Variants in DNAH6 observed in about 807,000 individuals in gnomAD.
DNAH6 encodes the protein dynein axonemal heavy chain 6.
In DNAH6, 340 loss-of-function variants were observed where a neutral mutation model predicts 491.4. That is an observed-to-expected ratio of 0.69 (90% confidence interval 0.63 to 0.76). The LOEUF is 0.76. DNAH6 is among the 30% of genes least tolerant of loss of function. The pLI is 0.00. For synonymous variants in DNAH6, 1,603 were observed against 1,686.1 expected (o/e 0.95, Z 1.21); for missense variants, 4,443 against 4,972.2 (o/e 0.89, Z 3.20).
At position 84,573,425 on chromosome 2, in the gene DNAH6, C is replaced by T. The variant is rs766464451; in HGVS notation, c.1804-42C>T. 6 of 1,525,460 alleles carry T rather than the reference C, an allele frequency of 3.9e-6. No homozygotes were observed. In the African/African-American group the frequency reaches 5.7e-5, roughly 15 times the overall value. The allele number at this position is 1,525,460 out of a possible 1,614,324, so 94.5% of individuals were successfully genotyped here. A position where few individuals can be genotyped will look rare whatever the true frequency, so the allele number is the denominator to read the frequency against. On this transcript the variant is annotated intron_variant, in intron 11 of 76. Transcript: ENST00000389394. ...TTGTATTGAATTAAATTCTGCTTAA[C>T]AAAAATATGGTCATATTTGTCTGCT...
At chr2:84,540,637 G>A (rs1002689270) in intron 4 of DNAH6, among the ~76,000 whole-genome samples, 1 of 152,040 alleles carries the variant, frequency 6.6e-6, no homozygotes, top group African/African-American at 2.4e-5. Context: ...AATAATAATA[G>A]GACAATGATT....
intron 62 of DNAH6, among the ~76,000 whole-genome samples, chr2:84,734,159 T>G (rs1699343091): frequency 6.6e-6 from 1 of 150,772 alleles, no homozygotes; most frequent in Non-Finnish European, 1.5e-5. Context: ...TTTTTTTTTT[T>G]TTTTTTGAGA....
intron 19 of DNAH6, among the ~76,000 whole-genome samples, chr2:84,605,219 GGCAAGT>G (rs1363958526): frequency 6.6e-6 from 1 of 151,924 alleles, no homozygotes; most frequent in Non-Finnish European, 1.5e-5. Flanking sequence ...CAGGCGTGGT[GGCAAGT>G]GCCTGTAGTC....
At chr2:84,735,143 A>T (rs575754237) in intron 62 of DNAH6, among the ~76,000 whole-genome samples, 1 of 152,314 alleles carries the variant, frequency 6.6e-6, no homozygotes, top group South Asian at 2.1e-4. Flanking sequence ...AAGTGAGACC[A>T]TACAGTATTT....
At chr2:84,682,009 AT>A (rs1267286468) in intron 42 of DNAH6, among the ~76,000 whole-genome samples, 11 of 149,668 alleles carry the variant, frequency 7.3e-5, no homozygotes, top group Admixed American at 2.7e-4. Flanking sequence ...TTAAAAAAAA[AT>A]AATTTTCTTT....
chr2:84,734,860 G>A (rs144758396), intron 62 of DNAH6, among the ~76,000 whole-genome samples: 35 of 152,078 alleles, frequency 2.3e-4, no homozygotes, highest in African/African-American at 7.7e-4. Context: ...TCTTTACTCT[G>A]AATAATGCTT....
rs79248457 is a variant in DNAH6, at chr2:84,586,311, C to G, written c.2481+2061C>G. Among the ~76,000 whole-genome samples the G allele has an allele frequency of 7.7e-3, 1,168 of 152,348 alleles. 12 individuals are homozygous for G. The highest frequency in any genetic ancestry group is 0.026 in the African/African-American group (1,070 of 41,588). On this transcript the variant is annotated intron_variant, in intron 15 of 76. Transcript: ENST00000389394. Reference sequence around the variant, plus strand: ...CTAACTGGCTCCATGGAGTGTGCCACTGGCTCCATGGAGTGTGCAGCCCTG... The same window carrying G: ...CTAACTGGCTCCATGGAGTGTGCCAGTGGCTCCATGGAGTGTGCAGCCCTG...
chr2:84,471,901 C>T, the DNAH6 span, among the ~76,000 whole-genome samples: 1 of 152,124 alleles, frequency 6.6e-6, no homozygotes, highest in African/African-American at 2.4e-5. Flanking sequence ...ACAGGTGGGT[C>T]CACTAGATGC....
intron 44 of DNAH6, 118 bp from the exon 45 acceptor site, chr2:84,688,321 T>C: frequency 1.3e-6 from 1 of 784,680 alleles, no homozygotes; most frequent in Non-Finnish European, 1.9e-6. Flanking sequence ...ATGTAAATTT[T>C]ATTGCAAAGA....
intron 68 of DNAH6, among the ~76,000 whole-genome samples, chr2:84,792,123 T>C (rs1393177946): frequency 6.6e-6 from 1 of 152,178 alleles, no homozygotes; most frequent in Non-Finnish European, 1.5e-5. Flanking sequence ...AATAAGTTAG[T>C]CACAGAGGGA....
At chr2:84,758,276 A>G (rs925233215) in intron 63 of DNAH6, among the ~76,000 whole-genome samples, 5 of 152,238 alleles carry the variant, frequency 3.3e-5, no homozygotes, top group African/African-American at 1.2e-4. Flanking sequence ...TGTGTTTTGT[A>G]TATTGTAATT....
Position 84,517,840 on chromosome 2 carries a change from C to T in DNAH6, c.14C>T (p.Ala5Val). 1 of 1,551,012 alleles carries T rather than the reference C, an allele frequency of 6.4e-7. No homozygotes were observed. The highest frequency in any genetic ancestry group is 1.4e-5 in the African/African-American group (1 of 73,042). Residue 5 changes from alanine (A) to valine (V), a missense_variant, in exon 2 of 77, where the codon GCC (alanine) becomes GTC (valine). Transcript: ENST00000389394. ...TCAGGAGTAAGGATGACTTTTCGGG[C>T]CACAGATAGTGAATTTGACCTGACA... MTFRATDSEFDLTNI... is the reference protein window; with the variant it reads MTFRVTDSEFDLTNI...
intron 48 of DNAH6, 87 bp downstream of exon 48, chr2:84,699,821 G>A (rs189390652): frequency 1.6e-6 from 2 of 1,287,522 alleles, no homozygotes; most frequent in Non-Finnish European, 1.1e-6. Flanking sequence ...TAACTCATGG[G>A]TACTTGTATT....
the DNAH6 span, among the ~76,000 whole-genome samples, chr2:84,485,422 C>G: frequency 6.6e-6 from 1 of 151,996 alleles, no homozygotes; most frequent in African/African-American, 2.4e-5. Context: ...TGGGTGTCCA[C>G]TCAGGGCTGA....
At chr2:84,635,294 T>C (rs997538835) in intron 30 of DNAH6, among the ~76,000 whole-genome samples, 4 of 152,244 alleles carry the variant, frequency 2.6e-5, no homozygotes, top group African/African-American at 9.6e-5. Context: ...GTGTAAGTCA[T>C]TATGGTATGT....
chr2:84,796,370 G>A lies in DNAH6; in HGVS notation c.11304G>A (p.Leu3768=). 6.6e-7 allele frequency: 1 copy of A among 1,524,066 alleles called. No individual in the cohort carries two copies. The highest frequency in any genetic ancestry group is 8.9e-7 in the Non-Finnish European group (1 of 1,129,362). 94.4% of individuals were successfully genotyped at this position (1,524,066 alleles called of 1,614,324 possible). ...SWDQRCLRTI[L]KRFFSPETLE... is the part of the protein sequence containing the mutation. ...ACCAAAGATGCCTTCGTACTATCTTGAAAAGATTTTTTTCTCCTGAAACAT... is the reference window on the plus strand; with the variant it reads ...ACCAAAGATGCCTTCGTACTATCTTAAAAAGATTTTTTTCTCCTGAAACAT... The change falls in exon 69 of 77, where the codon TTG becomes TTA. Residue 3768 remains leucine (L), a synonymous_variant. Coordinates refer to ENST00000389394, the MANE Select transcript of DNAH6 (RefSeq NM_001370.2).
the DNAH6 span, among the ~76,000 whole-genome samples, chr2:84,479,579 C>T: frequency 6.6e-6 from 1 of 152,136 alleles, no homozygotes; most frequent in African/African-American, 2.4e-5. Flanking sequence ...TGGAAAGAAC[C>T]AGAAAAAAGC....
Position 84,670,239 on chromosome 2 carries a change from C to T in DNAH6, c.6307-89C>T, listed in dbSNP as rs1261279515. Reference sequence around the variant, plus strand: ...TGGCTTTAACCTCTCTCTTTTTATCCTGTTTCTTACTCATTGTGCCAAACT... The same window carrying T: ...TGGCTTTAACCTCTCTCTTTTTATCTTGTTTCTTACTCATTGTGCCAAACT... On this transcript the variant is annotated intron_variant, in intron 38 of 76. Coordinates refer to ENST00000389394, the MANE Select transcript of DNAH6 (RefSeq NM_001370.2). 5 of 866,110 alleles carry T rather than the reference C, an allele frequency of 5.8e-6. No individual in the cohort carries two copies. The Admixed American group carries it at 9.7e-5, about 17-fold the overall frequency. The allele number at this position is 866,110 out of a possible 1,614,324, so 53.7% of individuals were successfully genotyped here.
At chr2:84,605,316 G>A (rs544610448) in intron 19 of DNAH6, among the ~76,000 whole-genome samples, 184 bp from the exon 20 acceptor site, 116 of 142,992 alleles carry the variant, frequency 8.1e-4, no homozygotes, top group African/African-American at 3.0e-3. Context: ...TTACACCACC[G>A]CACTCCAGCC....
Sources: allele counts gnomAD v4.1 joint callset (sites outside exome capture counted in the v4.1 genomes callset), GRCh38; gene constraint gnomAD v4.1.1; transcripts MANE v1.5; gene names NCBI Gene and HGNC (gene_info 2026-07-23, HGNC 2026-07-21).